The following AR variants were observed in gnomAD, a reference collection of about 807,000 sequenced individuals.
AR encodes androgen receptor.
In AR, 8 loss-of-function variants were observed where a neutral mutation model predicts 53.9. The ratio of observed to expected loss-of-function variants is 0.15; its 90% CI spans 0.09 to 0.27. The LOEUF is 0.27. Ranked by LOEUF, AR falls within the 10% of genes least tolerant of loss-of-function variation. The pLI, the probability that AR is intolerant of heterozygous loss-of-function variation, is 1.00. For synonymous variants in AR, 359 were observed against 316.4 expected (o/e 1.13, Z -1.43); for missense variants, 639 against 742.5 (o/e 0.86, Z 1.62).
chrX:67,589,577 G>C (rs1922730218), intron 1 of AR, among the ~76,000 whole-genome samples: 1 of 111,979 alleles, frequency 8.9e-6, no homozygotes, highest in Non-Finnish European at 1.9e-5. Context: ...GAGAAAGTTT[G>C]TCATTGATAT....
At chrX:67,633,067 T>C in intron 1 of AR, among the ~76,000 whole-genome samples, 1 of 112,524 alleles carries the variant, frequency 8.9e-6, no homozygotes, top group Non-Finnish European at 1.9e-5. Context: ...TGGTAAAATG[T>C]AAAGTCATGC....
rs1319818398 is a variant in AR, at chrX:67,608,942, A to C, written c.1617-34314A>C. Among the ~76,000 whole-genome samples the C allele has an allele frequency of 3.6e-5, 4 of 110,995 alleles. No individual in the cohort carries two copies. In the Admixed American group the frequency reaches 3.9e-4, roughly 11 times the overall value. ...TTGGTGGCTATATAGATTGAAGTTA[A>C]AACTAATTACAATCAGAGAAAATTA... On this transcript the variant is annotated intron_variant, in intron 1 of 7. Transcript: ENST00000374690.
Position 67,718,934 on chromosome X carries a change from G to A in AR, c.2318+1312G>A, listed in dbSNP as rs776499321. ...GTCTGCTGTATGAGGTCCCTCGATG[G>A]CATTGTGAATGGAGCTGGCCAGAGA... On this transcript the variant is annotated intron_variant, in intron 5 of 7. Coordinates refer to ENST00000374690, the MANE Select transcript of AR (RefSeq NM_000044.6). Among the ~76,000 whole-genome samples, 6 of 111,734 alleles carry A rather than the reference G, an allele frequency of 5.4e-5. No homozygotes were observed. In the South Asian group the frequency reaches 2.3e-3, roughly 43 times the overall value.
At position 67,545,367 on chromosome X, in the gene AR, A is replaced by AGCAGCAGCAAGAGACTAGCCCCAG; in HGVS notation, c.230_231insAGAGACTAGCCCCAGGCAGCAGCA (p.Gln77_Gln78insGluThrSerProArgGlnGlnGln). The AGCAGCAGCAAGAGACTAGCCCCAG allele has an allele frequency of 8.4e-7, 1 of 1,186,166 alleles. No homozygotes were observed. The highest frequency in any genetic ancestry group is 1.1e-6 in the Non-Finnish European group (1 of 883,167). The stretch of plus-strand genomic sequence containing the variant: ...CAGCAGCAGCAGCAGCAGCAGCAGC[A>AGCAGCAGCAAGAGACTAGCCCCAG]GCAGCAGCAGCAGCAGCAAGAGACT... On this transcript the variant is annotated inframe_insertion, in exon 1 of 8. Transcript: ENST00000374690.
At chrX:67,658,466 T>G (rs987084984) in intron 2 of AR, among the ~76,000 whole-genome samples, 12 of 112,313 alleles carry the variant, frequency 1.1e-4, no homozygotes, top group Non-Finnish European at 1.9e-4. Flanking sequence ...TTTTATTCTT[T>G]ATAGACAGGG....
intron 3 of AR, among the ~76,000 whole-genome samples, chrX:67,709,124 A>G (rs1029335927): frequency 4.5e-5 from 5 of 111,755 alleles, no homozygotes; most frequent in Non-Finnish European, 7.5e-5. Flanking sequence ...CCGTTCTCAG[A>G]TCTCCAGCTG....
intron 1 of AR, among the ~76,000 whole-genome samples, chrX:67,555,542 TG>T (rs1363337709): frequency 8.9e-6 from 1 of 112,076 alleles, no homozygotes; most frequent in Non-Finnish European, 1.9e-5. Context: ...AAATTGAAGG[TG>T]ATTAATGGCT....
chrX:67,559,855 T>G (rs1276970681), intron 1 of AR, among the ~76,000 whole-genome samples: 4 of 111,750 alleles, frequency 3.6e-5, no homozygotes. Flanking sequence ...TTGGGTCTCT[T>G]TACTCTGTCC....
At chrX:67,577,224 T>A (rs990074012) in intron 1 of AR, among the ~76,000 whole-genome samples, 7 of 110,904 alleles carry the variant, frequency 6.3e-5, no homozygotes, top group Middle Eastern at 4.7e-3. Flanking sequence ...TCATGCAATA[T>A]GTCACCCTTT....
At chrX:67,642,467 C>T (rs1009893486) in intron 1 of AR, among the ~76,000 whole-genome samples, 29 of 111,594 alleles carry the variant, frequency 2.6e-4, no homozygotes, top group African/African-American at 9.4e-4. Context: ...GACAAGGTGA[C>T]TTCTGAAGCT....
chrX:67,638,425 T>A (rs779734305), intron 1 of AR, among the ~76,000 whole-genome samples: 1 of 112,051 alleles, frequency 8.9e-6, no homozygotes, highest in East Asian at 2.8e-4. Flanking sequence ...GTTGAACTAA[T>A]TTACACTCCC....
At chrX:67,723,226 G>A (rs1236500814) in intron 7 of AR, among the ~76,000 whole-genome samples, 1 of 108,796 alleles carries the variant, frequency 9.2e-6, no homozygotes, top group Non-Finnish European at 1.9e-5. Flanking sequence ...GAAGGGACTT[G>A]CAGCAGATGA....
chrX:67,702,521 A>G (rs2076046934), intron 3 of AR, among the ~76,000 whole-genome samples: 1 of 112,119 alleles, frequency 8.9e-6, no homozygotes, highest in East Asian at 2.8e-4. Context: ...GGCAGTGGCT[A>G]TGCATATCTC....
At chrX:67,631,486 T>C (rs1377704459) in intron 1 of AR, among the ~76,000 whole-genome samples, 1 of 112,339 alleles carries the variant, frequency 8.9e-6, no homozygotes, top group Non-Finnish European at 1.9e-5. Flanking sequence ...AGTTTTCAGC[T>C]CCATCAGCTC....
intron 3 of AR, among the ~76,000 whole-genome samples, chrX:67,700,837 T>A (rs2147512849): frequency 8.9e-6 from 1 of 112,142 alleles, no homozygotes; most frequent in African/African-American, 3.2e-5. Flanking sequence ...GAGATCTGAG[T>A]CATTGGTGGG....
intron 1 of AR, among the ~76,000 whole-genome samples, chrX:67,571,669 A>C (rs1921818773): frequency 9.0e-6 from 1 of 111,376 alleles, no homozygotes. Context: ...AGATTAGGAG[A>C]GGGATATTTC....
intron 1 of AR, among the ~76,000 whole-genome samples, chrX:67,632,491 C>G (rs1361425460): frequency 8.9e-6 from 1 of 112,389 alleles, no homozygotes; most frequent in East Asian, 2.8e-4. Context: ...CCTCGCCCTG[C>G]TTCGGCTCAC....
Position 67,627,359 on chromosome X carries a change from A to T in AR, c.1617-15897A>T, listed in dbSNP as rs1165251135. ...GAGATGATATCTCATTGTGGTTTTGATTTGCATTTCTCTGATGGCCAGTGA... is the reference window on the plus strand; with the variant it reads ...GAGATGATATCTCATTGTGGTTTTGTTTTGCATTTCTCTGATGGCCAGTGA... On this transcript the variant is annotated intron_variant, in intron 1 of 7. Coordinates refer to ENST00000374690, the MANE Select transcript of AR (RefSeq NM_000044.6). Among the ~76,000 whole-genome samples the T allele has an allele frequency of 3.6e-5, 4 of 111,721 alleles. No homozygotes were observed. In the Admixed American group the frequency reaches 3.8e-4, roughly 11 times the overall value.
rs375997795 is a variant in AR, at chrX:67,553,925, A to T, written c.1616+7163A>T. On this transcript the variant is annotated intron_variant, in intron 1 of 7. Transcript: ENST00000374690. ...CCTTGCTGAAAATACCTGAGTTTTG[A>T]ATGCTTCTGGGACTTATGGGGAAGA... 1.4e-4 allele frequency among the ~76,000 whole-genome samples: 16 copies of T among 111,979 alleles called. 1 individual carries two copies. The South Asian group carries it at 5.6e-3, about 39-fold the overall frequency.
Sources: gnomAD v4.1 joint callset for allele counts (sites outside exome capture counted in the v4.1 genomes callset) on GRCh38, gnomAD v4.1.1 for gene constraint, MANE v1.5 for transcripts, NCBI Gene and HGNC (gene_info 2026-07-23, HGNC 2026-07-21) for gene names.